DPP8: variants seen among roughly 807,000 people sequenced by gnomAD.
The protein encoded by DPP8 is dipeptidyl peptidase 8.
DPP8 carries 31 observed loss-of-function variants against 107.5 expected under a neutral mutation model. That is an observed-to-expected ratio of 0.29 (90% CI 0.22 to 0.39). The LOEUF (loss-of-function observed/expected upper bound fraction) is 0.39. Among genes scored for constraint, DPP8 ranks in the 10% least tolerant of loss-of-function variants. DPP8 has a pLI of 1.00. For synonymous variants in DPP8, 381 were observed against 356.6 expected (o/e 1.07, Z -0.77); for missense variants, 842 against 1,076.1 (o/e 0.78, Z 3.04).
intron 6 of DPP8, 107 bp from the exon 7 acceptor site, chr15:65,487,925 T>C: frequency 1.3e-6 from 1 of 768,182 alleles, no homozygotes; most frequent in Non-Finnish European, 2.1e-6. Context: ...GAATAACTTA[T>C]GTATAAAATA....
At chr15:65,461,120 A>C (rs1412113738) in intron 15 of DPP8, among the ~76,000 whole-genome samples, 2 of 152,122 alleles carry the variant, frequency 1.3e-5, no homozygotes, top group African/African-American at 2.4e-5. Flanking sequence ...AAGCCTCTTT[A>C]AACTTAATTA....
At chr15:65,503,612 T>A (rs1223538633) in intron 3 of DPP8, among the ~76,000 whole-genome samples, 1 of 151,348 alleles carries the variant, frequency 6.6e-6, no homozygotes, top group African/African-American at 2.4e-5. Context: ...CCTACCTGAC[T>A]AATTTTTATT....
chr15:65,454,119 A>C (rs1321077323), intron 17 of DPP8, 144 bp downstream of exon 17: 1 of 544,476 alleles, frequency 1.8e-6, no homozygotes, highest in Non-Finnish European at 2.8e-6. Context: ...CCCGGGTTAC[A>C]GAGCAAGACT....
chr15:65,480,652 G>C (rs1465562686), intron 9 of DPP8, among the ~76,000 whole-genome samples: 1 of 152,208 alleles, frequency 6.6e-6, no homozygotes, highest in African/African-American at 2.4e-5. Flanking sequence ...TATCCCGGTA[G>C]GCTGGCATGA....
At chr15:65,511,824 C>A in intron 2 of DPP8, 1 of 241,996 alleles carries the variant, frequency 4.1e-6, no homozygotes, top group Non-Finnish European at 8.4e-6. Context: ...AGGAACCTAC[C>A]TTTAAAAATT....
At chr15:65,477,467 A>G (rs933217113) in intron 11 of DPP8, among the ~76,000 whole-genome samples, 1 of 151,982 alleles carries the variant, frequency 6.6e-6, no homozygotes, top group Admixed American at 6.6e-5. Flanking sequence ...TCACTAAACT[A>G]TACCCTTAAA....
rs542314824 is a variant in DPP8 at position 65,494,149 on chromosome 15, C to CTTTTTTTTTTTTTT, written c.715+3701_715+3714dup. 1.1e-4 allele frequency among the ~76,000 whole-genome samples: 14 copies of CTTTTTTTTTTTTTT among 123,256 alleles called. 2 individuals carry two copies. The highest frequency in any genetic ancestry group is 4.8e-4 in the African/African-American group (14 of 29,422). 80.9% of individuals were successfully genotyped at this position (123,256 alleles called of 152,430 possible). A position where few individuals can be genotyped will look rare whatever the true frequency, so the allele number is the denominator to read the frequency against. On this transcript the variant is annotated intron_variant, in intron 5 of 19. Coordinates refer to ENST00000300141, the MANE Select transcript of DPP8 (RefSeq NM_130434.5). ...TTGAAATTCAAACCGGTTCTATATCCTTTTTTTTTTTTTTAGAGACAGGGT... is the reference window on the plus strand; with the variant it reads ...TTGAAATTCAAACCGGTTCTATATCCTTTTTTTTTTTTTTTTTTTTTTTTTTTTAGAGACAGGGT...
chr15:65,448,872 A>ATATATGTGTGTGTG (rs1555444639), intron 19 of DPP8, among the ~76,000 whole-genome samples: 14 of 8,344 alleles, frequency 1.7e-3, no homozygotes, highest in African/African-American at 6.4e-3. Context: ...TAAAATATAT[A>ATATATGTGTGTGTG]TATATATATA....
chr15:65,454,542 T>G lies in DPP8; in HGVS notation c.2119-127A>C. ...GTTTTAATTTTTATTTTATTTATTT[T>G]TTGAGATGGAGTCTCACTCTGTCAC... On this transcript the variant is annotated intron_variant, in intron 16 of 19. Coordinates refer to ENST00000300141, the MANE Select transcript of DPP8 (RefSeq NM_130434.5). 2.0e-5 allele frequency: 17 copies of G among 845,240 alleles called. No homozygotes were observed. The South Asian group carries it at 3.4e-4, about 17-fold the overall frequency. The allele number at this position is 845,240 out of a possible 1,614,324, so 52.4% of individuals were successfully genotyped here. A position where few individuals can be genotyped will look rare whatever the true frequency, so the allele number is the denominator to read the frequency against.
chr15:65,453,986 G>T (rs1339076219), intron 17 of DPP8, among the ~76,000 whole-genome samples: 1 of 151,594 alleles, frequency 6.6e-6, no homozygotes, highest in Non-Finnish European at 1.5e-5. Context: ...GTGTGGTGGT[G>T]GGCACTTGTA....
At chr15:65,514,941 T>A (rs1392844379) in intron 1 of DPP8, among the ~76,000 whole-genome samples, 1 of 152,204 alleles carries the variant, frequency 6.6e-6, no homozygotes, top group Admixed American at 6.5e-5. Flanking sequence ...CTTGCAAGAA[T>A]AGGGCTGGGG....
At position 65,495,985 on chromosome 15, in the gene DPP8, TTTTTTC is replaced by T. The variant is rs2068552330; in HGVS notation, c.715+1873_715+1878del. Among the ~76,000 whole-genome samples, 4 of 151,844 alleles carry T rather than the reference TTTTTTC, an allele frequency of 2.6e-5. No homozygotes were observed. In the South Asian group the frequency reaches 8.3e-4, roughly 32 times the overall value. ...TATCTGTTAACAATGATTTTCTTTC[TTTTTTC>T]TTTTTTTTTTTAGACGGAGTGTCCC... On this transcript the variant is annotated intron_variant, in intron 5 of 19. Transcript: ENST00000300141.
chr15:65,497,093 T>TCC (rs2068683635), intron 5 of DPP8, among the ~76,000 whole-genome samples: 1 of 152,122 alleles, frequency 6.6e-6, no homozygotes, highest in Non-Finnish European at 1.5e-5. Context: ...TTTCATCACG[T>TCC]TGGCCAGACT....
At chr15:65,504,762 G>A (rs1328639420) in intron 3 of DPP8, among the ~76,000 whole-genome samples, 1 of 151,182 alleles carries the variant, frequency 6.6e-6, no homozygotes, top group East Asian at 2.0e-4. Context: ...TGGGAGGATC[G>A]CTTGAGCTCA....
At chr15:65,488,968 T>C (rs1306430148) in intron 6 of DPP8, among the ~76,000 whole-genome samples, 3 of 152,154 alleles carry the variant, frequency 2.0e-5, no homozygotes, top group Non-Finnish European at 4.4e-5. Context: ...GGTTTTTTGT[T>C]TGTTTGTTTT....
intron 3 of DPP8, among the ~76,000 whole-genome samples, chr15:65,502,203 GA>G (rs2141009231): frequency 6.6e-6 from 1 of 151,910 alleles, no homozygotes; most frequent in East Asian, 1.9e-4. Flanking sequence ...TGAAAGAAGT[GA>G]TTTCTTTCAT....
At chr15:65,460,752 G>A (rs2064848389) in intron 15 of DPP8, among the ~76,000 whole-genome samples, 1 of 152,172 alleles carries the variant, frequency 6.6e-6, no homozygotes, top group South Asian at 2.1e-4. Context: ...CACGTGCACT[G>A]CCTTTTGGCT....
rs938197300 is a variant in DPP8 at position 65,444,742 on chromosome 15, C to T, written c.*2142G>A. The T allele has an allele frequency of 4.6e-5, 7 of 152,094 alleles. No homozygotes were observed. Among genetic ancestry groups the T allele is most frequent in the African/African-American group, 9.7e-5 (4 of 41,392 alleles). The allele number at this position is 152,094 out of a possible 1,614,324, so 9.4% of individuals were successfully genotyped here. Reference sequence around the variant, plus strand: ...TACATGAAGTTTTCTAAGTTTGTTTCGGTAAAATAAGAGATGCCACTTTGA... The same window carrying T: ...TACATGAAGTTTTCTAAGTTTGTTTTGGTAAAATAAGAGATGCCACTTTGA... On this transcript the variant is annotated 3_prime_UTR_variant, in exon 20 of 20. Coordinates refer to ENST00000300141, the MANE Select transcript of DPP8 (RefSeq NM_130434.5).
Position 65,512,332 on chromosome 15 carries a change from A to C in DPP8, c.222T>G (p.Asp74Glu). The change falls in exon 2 of 20, where the codon GAT (aspartate) becomes GAG (glutamate). Residue 74 changes from aspartate to glutamate, a missense_variant. Asp to Glu is a conservative substitution (Grantham distance 45). Around this residue, in one of 2 missense-constraint regions of DPP8, gnomAD observed 663 missense variants for 758.0 expected, o/e 0.87. Coordinates refer to ENST00000300141, the MANE Select transcript of DPP8 (RefSeq NM_130434.5). ...PHDFMFVKRN[D>E]PDGPHSDRIY... The stretch of plus-strand genomic sequence containing the variant: ...TTCTGTCTGAATGAGGTCCATCTGG[A>C]TCATTCCTCTTCACAAACATGAAAT... 6.2e-7 allele frequency: 1 copy of C among 1,613,808 alleles called. No individual in the cohort carries two copies. The highest frequency in any genetic ancestry group is 1.3e-5 in the African/African-American group (1 of 75,030).
Sources: gnomAD v4.1 joint callset for allele counts (sites outside exome capture counted in the v4.1 genomes callset) on GRCh38, gnomAD v4.1.1 for gene constraint, gnomAD v4.1.1 regional missense constraint, MANE v1.5 for transcripts, NCBI Gene and HGNC (gene_info 2026-07-23, HGNC 2026-07-21) for gene names.